Variants in GRID2 observed in about 807,000 individuals in gnomAD.
The protein encoded by GRID2 is glutamate receptor ionotropic, delta-2.
GRID2 carries 33 observed loss-of-function variants against 114.8 expected under a neutral mutation model. That is an observed-to-expected ratio of 0.29 (90% CI 0.22 to 0.38). The LOEUF is 0.38. Among genes scored for constraint, GRID2 ranks in the 10% least tolerant of loss-of-function variants. The probability of loss-of-function intolerance (pLI) is 1.00; values close to 1 mark genes in which losing one functional copy is unlikely to be tolerated. For synonymous variants in GRID2, 505 were observed against 449.9 expected (o/e 1.12, Z -1.55); for missense variants, 1,184 against 1,257.7 (o/e 0.94, Z 0.89).
At chr4:92,309,464 A>T (rs1406613658) in intron 1 of GRID2, among the ~76,000 whole-genome samples, 3 of 151,888 alleles carry the variant, frequency 2.0e-5, no homozygotes, top group Admixed American at 2.0e-4. Context: ...TAGAAAATAC[A>T]TTTATGGCCT....
intron 1 of GRID2, 77 bp downstream of exon 1, chr4:92,304,821 C>T (rs1725292201): frequency 9.7e-7 from 1 of 1,026,102 alleles, no homozygotes; most frequent in Non-Finnish European, 1.5e-6. Flanking sequence ...CTTTCCCCCT[C>T]TCCGGTCTCT....
rs143255894 is a variant in GRID2 at position 93,113,804 on chromosome 4, T to C, written c.735+2851T>C. On this transcript the variant is annotated intron_variant, in intron 4 of 15. Coordinates refer to ENST00000282020, the MANE Select transcript of GRID2 (RefSeq NM_001510.4). ...TATCTTGAAGGAGGTGCTTCTTGAG[T>C]TGAGCGTTAAAGGACATGTGGATTG... 5.1e-3 allele frequency among the ~76,000 whole-genome samples: 773 copies of C among 152,066 alleles called. 2 individuals carry two copies. Among genetic ancestry groups the C allele is most frequent in the Non-Finnish European group, 8.0e-3 (541 of 67,992 alleles).
intron 1 of GRID2, among the ~76,000 whole-genome samples, chr4:92,539,929 T>C (rs2149161360): frequency 6.6e-6 from 1 of 152,260 alleles, no homozygotes; most frequent in East Asian, 1.9e-4. Context: ...AACAGCATGG[T>C]ACTGGTACCA....
At chr4:93,294,948 G>T (rs1057512551) in intron 8 of GRID2, among the ~76,000 whole-genome samples, 2 of 152,096 alleles carry the variant, frequency 1.3e-5, no homozygotes, top group African/African-American at 4.8e-5. Context: ...TATCGGATAG[G>T]GTGTGAAATA....
chr4:92,396,741 C>G (rs533303815), intron 1 of GRID2, among the ~76,000 whole-genome samples: 20 of 152,112 alleles, frequency 1.3e-4, no homozygotes. Flanking sequence ...TTATTATCAT[C>G]CAGGAGAAGT....
chr4:93,225,308 G>C (rs981539133), intron 7 of GRID2, among the ~76,000 whole-genome samples: 1 of 152,048 alleles, frequency 6.6e-6, no homozygotes, highest in Non-Finnish European at 1.5e-5. Context: ...GCTTATTCCA[G>C]CTGTGAATCT....
intron 2 of GRID2, among the ~76,000 whole-genome samples, chr4:92,623,742 G>C (rs1001162938): frequency 6.6e-6 from 1 of 151,780 alleles, no homozygotes; most frequent in Non-Finnish European, 1.5e-5. Context: ...CCACAGTCAT[G>C]TTCCTTCTGT....
intron 1 of GRID2, among the ~76,000 whole-genome samples, chr4:92,475,629 T>C (rs1427126009): frequency 6.6e-6 from 1 of 152,046 alleles, no homozygotes; most frequent in East Asian, 1.9e-4. Context: ...TTTGTTATTT[T>C]GTCTAAGATT....
chr4:93,061,193 C>CTTTTT (rs1171293153), intron 2 of GRID2, among the ~76,000 whole-genome samples: 1 of 104,070 alleles, frequency 9.6e-6, no homozygotes, highest in African/African-American at 3.6e-5. Context: ...TCAGGTTTTT[C>CTTTTT]TTGTTTTTTT....
intron 1 of GRID2, among the ~76,000 whole-genome samples, chr4:92,312,678 A>G (rs2110111714): frequency 6.6e-6 from 1 of 152,210 alleles, no homozygotes; most frequent in Non-Finnish European, 1.5e-5. Flanking sequence ...TTATTATATG[A>G]TCCTGAAATT....
chr4:92,494,670 G>A (rs954700589), intron 1 of GRID2, among the ~76,000 whole-genome samples: 1 of 151,858 alleles, frequency 6.6e-6, no homozygotes, highest in Non-Finnish European at 1.5e-5. Context: ...TACTAAAATG[G>A]CTCTGTTGTA....
At chr4:92,578,717 T>TATCTATCTATCA (rs565564336) in intron 1 of GRID2, among the ~76,000 whole-genome samples, 15 of 109,490 alleles carry the variant, frequency 1.4e-4, no homozygotes, top group South Asian at 9.5e-4. Context: ...AAAATATCAT[T>TATCTATCTATCA]ATCTATCTAT....
At chr4:93,776,679 A>G (rs62319427), downstream of GRID2, among the ~76,000 whole-genome samples, 3,190 of 152,278 alleles carry the variant, frequency 0.021, 56 homozygotes, top group Middle Eastern at 0.037. Flanking sequence ...TCAAGCACCA[A>G]TTGAAACTGT....
rs943600982 is a variant in GRID2 at position 93,780,391 on chromosome 4, T to C, written c.221+10941T>C. Among the ~76,000 whole-genome samples the C allele has an allele frequency of 4.5e-4, 68 of 152,284 alleles. 1 individual carries two copies. The highest frequency in any genetic ancestry group is 1.6e-3 in the African/African-American group (65 of 41,568). On this transcript the variant is annotated intron_variant, in intron 1 of 1. Coordinates refer to the GRID2 transcript ENST00000637838. ...GACGATCAATTCAGCTGGATTGGAATGAGTGATAGGAGAAGGGCGCTAAGA... is the reference window on the plus strand; with the variant it reads ...GACGATCAATTCAGCTGGATTGGAACGAGTGATAGGAGAAGGGCGCTAAGA...
intron 2 of GRID2, among the ~76,000 whole-genome samples, chr4:92,853,800 T>G (rs1424673733): frequency 6.6e-6 from 1 of 151,860 alleles, no homozygotes; most frequent in Non-Finnish European, 1.5e-5. Flanking sequence ...TGAGTACACA[T>G]GTACACAAAC....
chr4:93,012,712 A>G (rs1426839070), intron 2 of GRID2, among the ~76,000 whole-genome samples: 1 of 152,102 alleles, frequency 6.6e-6, no homozygotes, highest in Admixed American at 6.6e-5. Context: ...TCTACAAGTT[A>G]TGCAAAAACA....
At chr4:92,803,199 G>A (rs1036982172) in intron 2 of GRID2, among the ~76,000 whole-genome samples, 1 of 151,812 alleles carries the variant, frequency 6.6e-6, no homozygotes, top group Non-Finnish European at 1.5e-5. Flanking sequence ...AGAATTGGTA[G>A]CCATTAACCA....
chr4:92,414,119 G>A (rs1001565883), intron 1 of GRID2, among the ~76,000 whole-genome samples: 3 of 152,190 alleles, frequency 2.0e-5, no homozygotes, highest in Admixed American at 6.5e-5. Flanking sequence ...TAAGTTTGTA[G>A]ACTGGAAATG....
At chr4:93,803,076 C>T (rs1734962705) in intron 1 of GRID2, among the ~76,000 whole-genome samples, 1 of 152,174 alleles carries the variant, frequency 6.6e-6, no homozygotes, top group Non-Finnish European at 1.5e-5. Flanking sequence ...TCCTCACATC[C>T]TATGTACATG....
Sources: allele counts gnomAD v4.1 joint callset (sites outside exome capture counted in the v4.1 genomes callset), GRCh38; gene constraint gnomAD v4.1.1; transcripts MANE v1.5; gene names NCBI Gene and HGNC (gene_info 2026-07-23, HGNC 2026-07-21).